The following MYO5A variants were observed in gnomAD, a reference collection of about 807,000 sequenced individuals.
MYO5A encodes the protein unconventional myosin-Va.
Under a neutral mutation model 249.7 loss-of-function variants are expected in MYO5A, and 98 were observed. The ratio of observed to expected loss-of-function variants is 0.39; its 90% confidence interval spans 0.33 to 0.46. The LOEUF is 0.46. MYO5A is among the 20% of genes least tolerant of loss of function. The pLI is 0.98. For synonymous variants in MYO5A, 778 were observed against 810.6 expected (o/e 0.96, Z 0.68); for missense variants, 1,696 against 2,308.8 (o/e 0.73, Z 5.44).
intron 4 of MYO5A, among the ~76,000 whole-genome samples, chr15:52,418,119 C>A (rs1019416499): frequency 1.3e-5 from 2 of 152,154 alleles, no homozygotes; most frequent in African/African-American, 2.4e-5. Flanking sequence ...TAAATGAAGG[C>A]TCAGAATCAG....
At chr15:52,321,806 A>G (rs1254973982) in intron 37 of MYO5A, among the ~76,000 whole-genome samples, 1 of 151,962 alleles carries the variant, frequency 6.6e-6, no homozygotes, top group East Asian at 1.9e-4. Context: ...AAAAAAAAAA[A>G]AAAAAAAAAA....
intron 1 of MYO5A, among the ~76,000 whole-genome samples, chr15:52,457,798 A>G (rs1248877028): frequency 1.3e-5 from 2 of 152,240 alleles, no homozygotes; most frequent in Non-Finnish European, 2.9e-5. Context: ...TGTCAAAAGC[A>G]TATCTGCACC....
chr15:52,384,527 A>G (rs868679211), intron 14 of MYO5A, among the ~76,000 whole-genome samples: 1 of 152,220 alleles, frequency 6.6e-6, no homozygotes, highest in Non-Finnish European at 1.5e-5. Context: ...GAAAAATGCA[A>G]TAATTCTACA....
intron 1 of MYO5A, among the ~76,000 whole-genome samples, chr15:52,484,968 C>T (rs1362193095): frequency 2.0e-5 from 3 of 152,122 alleles, no homozygotes; most frequent in African/African-American, 7.2e-5. Flanking sequence ...GTGATCCGCC[C>T]GCCCTGGCCT....
intron 36 of MYO5A, among the ~76,000 whole-genome samples, chr15:52,325,108 T>C (rs2038532653): frequency 6.6e-6 from 1 of 152,224 alleles, no homozygotes; most frequent in East Asian, 1.9e-4. Context: ...GGATTACAAC[T>C]GTTCCTAGTG....
At chr15:52,506,545 T>A (rs911902802) in intron 1 of MYO5A, among the ~76,000 whole-genome samples, 16 of 144,048 alleles carry the variant, frequency 1.1e-4, no homozygotes, top group Non-Finnish European at 3.0e-5. Context: ...AAAAAAAAAA[T>A]TCAGTCCCTT....
rs1360367548 is a variant in MYO5A at position 52,423,694 on chromosome 15, T to C, written c.455+2136A>G. On this transcript the variant is annotated intron_variant, in intron 4 of 41. Coordinates refer to ENST00000399233, the MANE Select transcript of MYO5A (RefSeq NM_001382347.1). Reference sequence around the variant, plus strand: ...TTATTTATATAAATGGTAAATATAATACCATAACTAATTGAGGCATATTTT... The same window carrying C: ...TTATTTATATAAATGGTAAATATAACACCATAACTAATTGAGGCATATTTT... 1.3e-5 allele frequency among the ~76,000 whole-genome samples: 2 copies of C among 152,082 alleles called. 1 individual carries two copies. The highest frequency in any genetic ancestry group is 3.8e-4 in the East Asian group (2 of 5,202).
chr15:52,528,180 C>T (rs1216753558), intron 1 of MYO5A, among the ~76,000 whole-genome samples: 3 of 152,182 alleles, frequency 2.0e-5, no homozygotes, highest in Admixed American at 6.5e-5. Context: ...TAAATGAGTA[C>T]CGACCCTCCC....
chr15:52,355,717 A>T (rs2040186190), intron 25 of MYO5A, among the ~76,000 whole-genome samples: 1 of 152,174 alleles, frequency 6.6e-6, no homozygotes, highest in South Asian at 2.1e-4. Context: ...AGGTATTATA[A>T]GTAATGTAGA....
intron 23 of MYO5A, 133 bp from the exon 24 acceptor site, chr15:52,364,835 C>G (rs1327114878): frequency 2.5e-5 from 25 of 1,004,144 alleles, no homozygotes; most frequent in Non-Finnish European, 3.7e-5. Flanking sequence ...TGAAGAGTGT[C>G]TTAGTAAAAT....
At position 52,337,838 on chromosome 15, in the gene MYO5A, T is replaced by C. The variant is rs2140980362; in HGVS notation, c.4286A>G (p.Tyr1429Cys). The C allele has an allele frequency of 7.1e-6, 11 of 1,544,588 alleles. No homozygotes were observed. Among genetic ancestry groups the C allele is most frequent in the Non-Finnish European group, 9.6e-6 (11 of 1,142,812 alleles). Residue 1429 changes from tyrosine (Y) to cysteine (C), a missense_variant, in exon 33 of 42, where the codon TAT becomes TGT. This residue lies in a region of MYO5A where 625 missense variants were observed against 908.1 expected (regional missense o/e 0.69). Transcript: ENST00000399233. Reference protein sequence around the residue: ...YADDPKKYQSYRISLYKRMID... With the variant: ...YADDPKKYQSCRISLYKRMID... The stretch of plus-strand genomic sequence containing the variant: ...CATCCGTTTGTAAAGGGAAATCCGA[T>C]ATGATTGATACTTCTTAGGGTCATC...
intron 22 of MYO5A, among the ~76,000 whole-genome samples, chr15:52,368,889 A>T (rs1321956186): frequency 1.3e-5 from 2 of 152,218 alleles, no homozygotes; most frequent in African/African-American, 4.8e-5. Flanking sequence ...TCTTCCCACC[A>T]CACTTAACTA....
chr15:52,411,830 T>A (rs1002204884), intron 5 of MYO5A, among the ~76,000 whole-genome samples: 1 of 152,200 alleles, frequency 6.6e-6, no homozygotes, highest in Non-Finnish European at 1.5e-5. Context: ...AGTGTAGACA[T>A]CCTATTTTGT....
chr15:52,351,559 G>C, intron 27 of MYO5A, 78 bp from the exon 28 acceptor site: 1 of 1,386,748 alleles, frequency 7.2e-7, no homozygotes, highest in East Asian at 2.3e-5. Flanking sequence ...TCCCAAGCTG[G>C]TAGAAGAATT....
At position 52,468,427 on chromosome 15, in the gene MYO5A, G is replaced by C. The variant is rs536910480; in HGVS notation, c.28-35142C>G. Reference sequence around the variant, plus strand: ...AATCCCAGCATTTTGAGAGGCTGAGGTGGGAGTACTGCTTGAGCCCAGGAG... The same window carrying C: ...AATCCCAGCATTTTGAGAGGCTGAGCTGGGAGTACTGCTTGAGCCCAGGAG... On this transcript the variant is annotated intron_variant, in intron 1 of 41. Coordinates refer to ENST00000399233, the MANE Select transcript of MYO5A (RefSeq NM_001382347.1). 2.0e-5 allele frequency among the ~76,000 whole-genome samples: 3 copies of C among 152,384 alleles called. No homozygotes were observed. In the South Asian group the frequency reaches 6.2e-4, roughly 32 times the overall value.
intron 1 of MYO5A, among the ~76,000 whole-genome samples, chr15:52,453,812 A>G (rs1189008009): frequency 1.3e-5 from 2 of 152,168 alleles, no homozygotes; most frequent in African/African-American, 2.4e-5. Context: ...TATTATATCT[A>G]TAAGATGTTT....
intron 22 of MYO5A, among the ~76,000 whole-genome samples, chr15:52,367,829 A>C (rs968777046): frequency 2.6e-5 from 4 of 151,782 alleles, no homozygotes; most frequent in African/African-American, 7.3e-5. Context: ...GTCCACTTAA[A>C]AATGGTGAAA....
chr15:52,416,392 G>A (rs1044949221), intron 4 of MYO5A, 91 bp from the exon 5 acceptor site: 2 of 1,388,292 alleles, frequency 1.4e-6, no homozygotes. Flanking sequence ...GAAGTAGGGG[G>A]CTAATTAATG....
intron 1 of MYO5A, among the ~76,000 whole-genome samples, chr15:52,476,310 G>C (rs1021643601): frequency 2.6e-5 from 4 of 152,070 alleles, no homozygotes; most frequent in African/African-American, 9.7e-5. Context: ...TGGGTCTCCT[G>C]AATACAGCAC....
Sources: allele counts gnomAD v4.1 joint callset (sites outside exome capture counted in the v4.1 genomes callset), GRCh38; gene constraint gnomAD v4.1.1; regional missense constraint gnomAD v4.1.1; transcripts MANE v1.5; gene names NCBI Gene and HGNC (gene_info 2026-07-23, HGNC 2026-07-21).